PTPRN2: variants seen among roughly 807,000 people sequenced by gnomAD.
PTPRN2 encodes protein tyrosine phosphatase receptor type N2, also known as receptor-type tyrosine-protein phosphatase N2.
In PTPRN2, 74 loss-of-function variants were observed where a neutral mutation model predicts 118.8. The ratio of observed to expected loss-of-function variants is 0.62; its 90% CI spans 0.52 to 0.76. The LOEUF is 0.76. PTPRN2 is among the 30% of genes least tolerant of loss of function. The pLI is 0.00. For synonymous variants in PTPRN2, 641 were observed against 608.0 expected (o/e 1.05, Z -0.80); for missense variants, 1,481 against 1,394.4 (o/e 1.06, Z -0.99).
In PTPRN2 at chr7:157,918,181, G is replaced by C. The variant is rs1798515166; in HGVS notation, c.1724-19444C>G. Among the ~76,000 whole-genome samples, 3 of 152,194 alleles carry C rather than the reference G, an allele frequency of 2.0e-5. No homozygotes were observed. The South Asian group carries it at 6.2e-4, about 32-fold the overall frequency. On this transcript the variant is annotated intron_variant, in intron 11 of 22. Coordinates refer to ENST00000389418, the MANE Select transcript of PTPRN2 (RefSeq NM_002847.5). ...CTTCTGAAATGGTAAATGTAAAGCT[G>C]AACCAGGCCTTCACCTCCCCGTTTA... is the stretch of plus-strand genomic sequence containing the variant.
chr7:157,631,426 A>G (rs539436012), intron 14 of PTPRN2, among the ~76,000 whole-genome samples: 1 of 152,170 alleles, frequency 6.6e-6, no homozygotes, highest in East Asian at 1.9e-4. Context: ...AAATAAATTC[A>G]CTCACTGAGA....
intron 2 of PTPRN2, among the ~76,000 whole-genome samples, chr7:158,481,174 G>A (rs1017573143): frequency 1.3e-5 from 2 of 152,340 alleles, no homozygotes; most frequent in East Asian, 1.9e-4. Context: ...TTGTTCATCC[G>A]AGGGCCCTTA....
intron 12 of PTPRN2, among the ~76,000 whole-genome samples, chr7:157,687,913 A>T (rs940495252): frequency 6.6e-6 from 1 of 152,250 alleles, no homozygotes; most frequent in African/African-American, 2.4e-5. Flanking sequence ...AAATGAGAGA[A>T]GTCAGGCGGA....
At chr7:157,634,930 T>C (rs145984003) in intron 14 of PTPRN2, among the ~76,000 whole-genome samples, 92 of 152,324 alleles carry the variant, frequency 6.0e-4, no homozygotes, top group African/African-American at 2.1e-3. Context: ...CAGAACTTTC[T>C]AAAGAACCTA....
intron 11 of PTPRN2, among the ~76,000 whole-genome samples, chr7:157,949,772 A>T (rs1391395069): frequency 6.6e-6 from 1 of 152,248 alleles, no homozygotes; most frequent in Non-Finnish European, 1.5e-5. Flanking sequence ...ATTTATTTGA[A>T]ATCAATAAAT....
At chr7:157,737,074 G>A (rs1032194087) in intron 12 of PTPRN2, among the ~76,000 whole-genome samples, 11 of 152,296 alleles carry the variant, frequency 7.2e-5, no homozygotes, top group Admixed American at 5.2e-4. Flanking sequence ...CAGGCGTCTT[G>A]GATAAACAGA....
intron 13 of PTPRN2, among the ~76,000 whole-genome samples, chr7:157,658,054 C>A (rs760871904): frequency 3.6e-4 from 55 of 151,844 alleles, no homozygotes; most frequent in Non-Finnish European, 6.8e-4. Flanking sequence ...ACGCCACAAA[C>A]ACTCACTCCT....
At position 157,615,570 on chromosome 7, in the gene PTPRN2, C is replaced by A; in HGVS notation, c.2344+5792G>T. The A allele has an allele frequency of 2.1e-6, 1 of 471,238 alleles. No homozygotes were observed. The allele number at this position is 471,238 out of a possible 1,614,324, so 29.2% of individuals were successfully genotyped here. On this transcript the variant is annotated intron_variant, in intron 15 of 22. Transcript: ENST00000389418. The surrounding 1 kb of genome is among the most constrained non-coding windows in gnomAD (Gnocchi z 4.3). Reference sequence around the variant, plus strand: ...GAAACAATCTCAGCCCTGGAACCAGCGCCTGGGAAGTCCCGCGGTGGATCC... The same window carrying A: ...GAAACAATCTCAGCCCTGGAACCAGAGCCTGGGAAGTCCCGCGGTGGATCC...
chr7:157,764,031 A>G lies in PTPRN2; in HGVS notation c.1789-81094T>C, dbSNP rs1354562409. On this transcript the variant is annotated intron_variant, in intron 12 of 22. Transcript: ENST00000389418. This position sits in a 1 kb window ranked among gnomAD's most constrained non-coding sequence, Gnocchi z 4.5. ...CACATGAGTGGAGCATGTGGAGGCT[A>G]GGAGAGGCCATGCACGCACCCTCTA... 6.6e-6 allele frequency among the ~76,000 whole-genome samples: 1 copy of G among 152,212 alleles called. No individual in the cohort carries two copies. The highest frequency in any genetic ancestry group is 1.5e-5 in the Non-Finnish European group (1 of 68,036).
chr7:158,278,824 G>C (rs1352248188), intron 3 of PTPRN2, among the ~76,000 whole-genome samples: 1 of 152,108 alleles, frequency 6.6e-6, no homozygotes, highest in East Asian at 1.9e-4. Flanking sequence ...AGCGCATCCA[G>C]AATTGTTCAT....
chr7:157,546,556 G>A (rs1798329364), intron 22 of PTPRN2, among the ~76,000 whole-genome samples: 1 of 152,184 alleles, frequency 6.6e-6, no homozygotes, highest in South Asian at 2.1e-4. Context: ...GTGTTTGTTT[G>A]CTGAGGATGA....
intron 2 of PTPRN2, among the ~76,000 whole-genome samples, chr7:158,382,260 G>A (rs1321315864): frequency 6.6e-6 from 1 of 152,080 alleles, no homozygotes; most frequent in Non-Finnish European, 1.5e-5. Context: ...AGGAGGCCAG[G>A]ACCAGGGAGG....
chr7:157,543,980 CAG>C (rs1231294246), intron 22 of PTPRN2, among the ~76,000 whole-genome samples: 4 of 150,746 alleles, frequency 2.7e-5, no homozygotes, highest in African/African-American at 4.9e-5. Flanking sequence ...TGGAGAGAGA[CAG>C]AGAGAGGTGG....
In PTPRN2 at chr7:158,316,930, CATCT is replaced by C; in HGVS notation, c.164-2_165del. 1 of 1,607,780 alleles carries C rather than the reference CATCT, an allele frequency of 6.2e-7. No homozygotes were observed. Among genetic ancestry groups the C allele is most frequent in the Non-Finnish European group, 8.5e-7 (1 of 1,177,056 alleles). ...ACCTTCTGGCACCTTCCAAACACTC[CATCT>C]GTGAGAAGGGAAGGAGATAAGACAG... is the stretch of plus-strand genomic sequence containing the variant. On this transcript the variant is annotated splice_acceptor_variant and coding_sequence_variant, in exon 3 of 23. Transcript: ENST00000389418. LOFTEE classifies it high-confidence loss of function.
chr7:157,812,246 C>A (rs1321487858), intron 12 of PTPRN2, among the ~76,000 whole-genome samples: 2 of 152,204 alleles, frequency 1.3e-5, no homozygotes, highest in African/African-American at 4.8e-5. Flanking sequence ...TCCTCCCGTG[C>A]TGGGACCCTT....
intron 12 of PTPRN2, among the ~76,000 whole-genome samples, chr7:157,712,489 G>A (rs571642918): frequency 1.1e-4 from 17 of 152,258 alleles, no homozygotes; most frequent in African/African-American, 3.1e-4. Context: ...GGTGGCTCAC[G>A]CCTGTAATCC....
At chr7:157,682,983 G>T in intron 12 of PTPRN2, 46 bp from the exon 13 acceptor site, 1 of 1,482,762 alleles carries the variant, frequency 6.7e-7, no homozygotes. Context: ...GACAAAGCAT[G>T]ACCTCCTAAA....
intron 6 of PTPRN2, among the ~76,000 whole-genome samples, chr7:158,147,773 C>A (rs1459323995): frequency 1.6e-5 from 2 of 122,372 alleles, no homozygotes; most frequent in Non-Finnish European, 3.3e-5. Flanking sequence ...CCTCACGCCA[C>A]GTGTTATTCC....
At position 157,638,536 on chromosome 7, in the gene PTPRN2, G is replaced by A. The variant is rs150490742; in HGVS notation, c.2197-17027C>T. Reference sequence around the variant, plus strand: ...ACTCCTCTTCCAATTGCTTTGAAACGAGGAGTTTGGAGGAGAAGAGAACAG... The same window carrying A: ...ACTCCTCTTCCAATTGCTTTGAAACAAGGAGTTTGGAGGAGAAGAGAACAG... On this transcript the variant is annotated intron_variant, in intron 14 of 22. Coordinates refer to ENST00000389418, the MANE Select transcript of PTPRN2 (RefSeq NM_002847.5). Among the ~76,000 whole-genome samples, 12 of 152,346 alleles carry A rather than the reference G, an allele frequency of 7.9e-5. 1 individual carries two copies. The highest frequency in any genetic ancestry group is 2.6e-4 in the African/African-American group (11 of 41,590).
Sources: gnomAD v4.1 joint callset for allele counts (sites outside exome capture counted in the v4.1 genomes callset) on GRCh38, gnomAD v4.1.1 for gene constraint, Gnocchi (gnomAD v3.1) non-coding constraint, MANE v1.5 for transcripts, NCBI Gene and HGNC (gene_info 2026-07-23, HGNC 2026-07-21) for gene names.